UPF2: variants seen among roughly 807,000 people sequenced by gnomAD.
The protein encoded by UPF2 is regulator of nonsense transcripts 2.
UPF2 carries 17 observed loss-of-function variants against 141.4 expected under a neutral mutation model. That is an observed-to-expected ratio of 0.12 (90% CI 0.08 to 0.18). UPF2 has a LOEUF of 0.18. Ranked by LOEUF, UPF2 falls within the 10% of genes least tolerant of loss-of-function variation. The pLI is 1.00. For missense variants in UPF2, 1,152 were observed against 1,515.9 expected (o/e 0.76, Z 3.99); for synonymous variants, 540 against 498.0 (o/e 1.08, Z -1.12).
At chr10:11,950,211 T>C (rs1385556028) in intron 15 of UPF2, among the ~76,000 whole-genome samples, 1 of 152,186 alleles carries the variant, frequency 6.6e-6, no homozygotes, top group Non-Finnish European at 1.5e-5. Flanking sequence ...TTTTAAAATA[T>C]GATAAAAATG....
In UPF2 at chr10:11,939,019, C is replaced by T. The variant is rs932027651; in HGVS notation, c.3379-2307G>A. Among the ~76,000 whole-genome samples, 7 of 151,634 alleles carry T rather than the reference C, an allele frequency of 4.6e-5. No homozygotes were observed. Among genetic ancestry groups the T allele is most frequent in the Admixed American group, 1.3e-4 (2 of 15,218 alleles). On this transcript the variant is annotated intron_variant, in intron 18 of 21. Coordinates refer to ENST00000357604, the MANE Select transcript of UPF2 (RefSeq NM_015542.4). The surrounding 1 kb of genome is among the most constrained non-coding windows in gnomAD (Gnocchi z 4.8). ...TCCCAAGTAGCTGGGACTACAGGCA[C>T]CCACCACCACAACCAGCTAATTTTT...
At chr10:11,991,044 C>T (rs1383859553) in intron 8 of UPF2, among the ~76,000 whole-genome samples, 3 of 150,538 alleles carry the variant, frequency 2.0e-5, no homozygotes, top group African/African-American at 7.3e-5. Context: ...AAATCTAACT[C>T]ATGATACGTA....
chr10:11,933,687 C>A (rs2131155892), intron 19 of UPF2, among the ~76,000 whole-genome samples: 1 of 152,236 alleles, frequency 6.6e-6, no homozygotes, highest in South Asian at 2.1e-4. Flanking sequence ...CCAAAGCCCA[C>A]AAGTTTCTTT....
Position 12,022,405 on chromosome 10 carries a change from C to T in UPF2, c.1145+6340G>A, listed in dbSNP as rs1303288650. ...CCAGCCTGGAAACAGAGGGAGACTC[C>T]GTCTCAAAAAAAAAAAAAAGAAAAA... On this transcript the variant is annotated intron_variant, in intron 3 of 21. Transcript: ENST00000357604. 6.4e-5 allele frequency among the ~76,000 whole-genome samples: 8 copies of T among 124,046 alleles called. No individual in the cohort carries two copies. In the South Asian group the frequency reaches 1.0e-3, roughly 16 times the overall value. 81.4% of individuals were successfully genotyped at this position (124,046 alleles called of 152,430 possible). A position where few individuals can be genotyped will look rare whatever the true frequency, so the allele number is the denominator to read the frequency against.
intron 9 of UPF2, among the ~76,000 whole-genome samples, chr10:11,967,951 G>A (rs1588542146): frequency 1.3e-5 from 2 of 152,322 alleles, no homozygotes; most frequent in East Asian, 1.9e-4. Flanking sequence ...GGAGGCCGAG[G>A]TTGGCGGATC....
chr10:11,958,467 TC>T (rs1272080433), intron 12 of UPF2, among the ~76,000 whole-genome samples: 1 of 152,190 alleles, frequency 6.6e-6, no homozygotes, highest in Non-Finnish European at 1.5e-5. Context: ...TTTAGCCAAT[TC>T]CAAAACTATT....
intron 3 of UPF2, among the ~76,000 whole-genome samples, chr10:12,018,293 CA>C (rs1387464237): frequency 6.6e-6 from 1 of 152,008 alleles, no homozygotes; most frequent in African/African-American, 2.4e-5. Context: ...ACAAAAAATA[CA>C]AAAATTGGCC....
Position 11,980,700 on chromosome 10 carries a change from T to C in UPF2, c.1845-1535A>G, listed in dbSNP as rs1013319878. 6.6e-6 allele frequency among the ~76,000 whole-genome samples: 1 copy of C among 152,008 alleles called. No homozygotes were observed. Among genetic ancestry groups the C allele is most frequent in the Non-Finnish European group, 1.5e-5 (1 of 68,006 alleles). On this transcript the variant is annotated intron_variant, in intron 8 of 21. Coordinates refer to ENST00000357604, the MANE Select transcript of UPF2 (RefSeq NM_015542.4). The surrounding 1 kb of genome is among the most constrained non-coding windows in gnomAD (Gnocchi z 4.2). ...GTGAGCTGAGATCACACCATTGCAATCCAGCCTGGGCAACAAGAGCGAAAC... is the reference window on the plus strand; with the variant it reads ...GTGAGCTGAGATCACACCATTGCAACCCAGCCTGGGCAACAAGAGCGAAAC...
intron 3 of UPF2, among the ~76,000 whole-genome samples, chr10:12,023,315 T>C (rs1026784210): frequency 1.3e-5 from 2 of 152,114 alleles, no homozygotes; most frequent in African/African-American, 4.8e-5. Flanking sequence ...TACTACTGGA[T>C]GACATTTTTA....
chr10:11,949,636 G>A (rs1321745308), intron 15 of UPF2, among the ~76,000 whole-genome samples: 1 of 152,148 alleles, frequency 6.6e-6, no homozygotes. Flanking sequence ...CACAGTAGGT[G>A]TTAAATAAAT....
chr10:11,967,557 T>G lies in UPF2; in HGVS notation c.1954-103A>C, dbSNP rs1833341289. ...TCGAATTCACTCCAGTTTTTTTTTT[T>G]TTTTTTTTTTTGAGACAGAGTTTCG... On this transcript the variant is annotated intron_variant, in intron 9 of 21. Coordinates refer to ENST00000357604, the MANE Select transcript of UPF2 (RefSeq NM_015542.4). 1.6e-5 allele frequency: 12 copies of G among 755,838 alleles called. No individual in the cohort carries two copies. The South Asian group carries it at 2.0e-4, about 13-fold the overall frequency. The allele number at this position is 755,838 out of a possible 1,614,324, so 46.8% of individuals were successfully genotyped here.
At chr10:11,988,993 G>T (rs1240430281) in intron 8 of UPF2, among the ~76,000 whole-genome samples, 1 of 152,172 alleles carries the variant, frequency 6.6e-6, no homozygotes, top group Non-Finnish European at 1.5e-5. Flanking sequence ...CCCCCTCAGG[G>T]ATAAGCCAAA....
At chr10:11,968,153 T>C (rs1833353743) in intron 9 of UPF2, among the ~76,000 whole-genome samples, 1 of 152,050 alleles carries the variant, frequency 6.6e-6, no homozygotes, top group Non-Finnish European at 1.5e-5. Flanking sequence ...CACTCCAGCC[T>C]GGGTGACAAG....
chr10:12,031,814 C>A (rs1467437091), intron 2 of UPF2, among the ~76,000 whole-genome samples: 1 of 152,066 alleles, frequency 6.6e-6, no homozygotes, highest in South Asian at 2.1e-4. Flanking sequence ...TAAAAAAGTA[C>A]ATTTTCATCT....
chr10:11,928,782 G>A (rs1832745770), intron 21 of UPF2: 2 of 276,254 alleles, frequency 7.2e-6, no homozygotes, highest in South Asian at 3.2e-5. Context: ...TCTTTATAGA[G>A]TTTTAAATTA....
chr10:11,956,075 A>G lies in UPF2; in HGVS notation c.2574+245T>C, dbSNP rs1398674211. ...AACAGGAGAATTGCTTGAACCCAGG[A>G]GGAAGAGGTTGCAGCGAGCGGAGAT... On this transcript the variant is annotated intron_variant, in intron 13 of 21. Coordinates refer to ENST00000357604, the MANE Select transcript of UPF2 (RefSeq NM_015542.4). This position sits in a 1 kb window ranked among gnomAD's most constrained non-coding sequence, Gnocchi z 4.2. Among the ~76,000 whole-genome samples, 1 of 151,588 alleles carries G rather than the reference A, an allele frequency of 6.6e-6. No homozygotes were observed. The highest frequency in any genetic ancestry group is 1.5e-5 in the Non-Finnish European group (1 of 67,942).
chr10:11,937,263 A>G (rs1832864532), intron 18 of UPF2, among the ~76,000 whole-genome samples: 1 of 152,374 alleles, frequency 6.6e-6, no homozygotes, highest in East Asian at 1.9e-4. Context: ...AATTAAATGA[A>G]CCTTCACCGA....
chr10:11,955,353 A>G lies in UPF2; in HGVS notation c.2729T>C (p.Leu910Pro). Residue 910 changes from leucine to proline, a missense_variant, in exon 14 of 22, where the codon CTG becomes CCG. By Grantham distance (98) the Leu-to-Pro change is moderately conservative. Coordinates refer to ENST00000357604, the MANE Select transcript of UPF2 (RefSeq NM_015542.4). ...GVNPDGSPSS[L>P]DPPEHLFRIR... ...TCTGAAAAGATGCTCAGGTGGGTCC[A>G]GGGAACTTGGAGAGCCATCAGGATT... 6.2e-7 allele frequency: 1 copy of G among 1,614,206 alleles called. No homozygotes were observed. The highest frequency in any genetic ancestry group is 8.5e-7 in the Non-Finnish European group (1 of 1,180,030).
rs533156748 is a variant in UPF2 at position 11,944,022 on chromosome 10, A to C, written c.3175-854T>G. Reference sequence around the variant, plus strand: ...AACAAAAAACAAACAAAAAAAAAAAACCAAAAACCCACTAAACCCAGAGCT... The same window carrying C: ...AACAAAAAACAAACAAAAAAAAAAACCCAAAAACCCACTAAACCCAGAGCT... On this transcript the variant is annotated intron_variant, in intron 16 of 21. Coordinates refer to ENST00000357604, the MANE Select transcript of UPF2 (RefSeq NM_015542.4). Among the ~76,000 whole-genome samples the C allele has an allele frequency of 1.0e-3, 151 of 148,700 alleles. 1 individual carries two copies. The East Asian group carries it at 0.015, about 15-fold the overall frequency.
Sources: allele counts gnomAD v4.1 joint callset (sites outside exome capture counted in the v4.1 genomes callset), GRCh38; gene constraint gnomAD v4.1.1; non-coding constraint Gnocchi (gnomAD v3.1); transcripts MANE v1.5; gene names NCBI Gene and HGNC (gene_info 2026-07-23, HGNC 2026-07-21).